Variants in CHIC1 observed in about 807,000 individuals in gnomAD.
The protein encoded by CHIC1 is cysteine-rich hydrophobic domain-containing protein 1.
Under a neutral mutation model 18.5 loss-of-function variants are expected in CHIC1, and 7 were observed. The ratio of observed to expected loss-of-function variants is 0.38; its 90% confidence interval spans 0.22 to 0.71. The LOEUF (loss-of-function observed/expected upper bound fraction) is 0.71. Among genes scored for constraint, CHIC1 ranks in the 30% least tolerant of loss-of-function variants. The pLI, the probability that CHIC1 is intolerant of heterozygous loss-of-function variation, is 0.49. For missense variants in CHIC1, 159 were observed against 176.9 expected (o/e 0.90, Z 0.57); for synonymous variants, 77 against 73.5 (o/e 1.05, Z -0.25).
At chrX:73,612,302 C>T (rs746508108) in intron 3 of CHIC1, among the ~76,000 whole-genome samples, 1 of 111,713 alleles carries the variant, frequency 9.0e-6, no homozygotes, top group Admixed American at 9.5e-5. Flanking sequence ...ATCGCTGTTA[C>T]ATTTAGTTCT....
chrX:73,642,545 T>G (rs1297187261), intron 3 of CHIC1, among the ~76,000 whole-genome samples: 1 of 104,616 alleles, frequency 9.6e-6, no homozygotes, highest in Non-Finnish European at 2.0e-5. Context: ...TTGTCAATTT[T>G]GTCTTTTGTT....
intron 3 of CHIC1, among the ~76,000 whole-genome samples, chrX:73,635,227 A>G (rs900489435): frequency 3.6e-5 from 4 of 112,083 alleles, no homozygotes; most frequent in Non-Finnish European, 5.6e-5. Flanking sequence ...GCAGGAATAC[A>G]TCATACTCGA....
At chrX:73,675,930 G>C (rs2058059947) in intron 3 of CHIC1, among the ~76,000 whole-genome samples, 1 of 110,365 alleles carries the variant, frequency 9.1e-6, no homozygotes, top group Admixed American at 9.6e-5. Context: ...AGGCCTGGTG[G>C]TGACAAAATC....
intron 3 of CHIC1, among the ~76,000 whole-genome samples, chrX:73,628,746 G>A (rs984051191): frequency 9.0e-6 from 1 of 111,106 alleles, no homozygotes; most frequent in Non-Finnish European, 1.9e-5. Flanking sequence ...TTAAAACCAG[G>A]TACTATGAGT....
At chrX:73,563,646 T>A in intron 1 of CHIC1, 66 bp downstream of exon 1, 19 of 882,460 alleles carry the variant, frequency 2.2e-5, no homozygotes, top group Non-Finnish European at 2.7e-5. Flanking sequence ...TGAGAAGTGA[T>A]CGAGGGGCCT....
chrX:73,666,787 TTA>T (rs1169528318), intron 3 of CHIC1, among the ~76,000 whole-genome samples: 1 of 112,291 alleles, frequency 8.9e-6, no homozygotes, highest in Non-Finnish European at 1.9e-5. Context: ...GTGATCAATT[TTA>T]GAGTAAATAC....
At chrX:73,645,342 G>A (rs1215130736) in intron 3 of CHIC1, among the ~76,000 whole-genome samples, 3 of 111,543 alleles carry the variant, frequency 2.7e-5, no homozygotes, top group African/African-American at 9.8e-5. Flanking sequence ...CTCTATCTTG[G>A]CTATTGTGAA....
intron 1 of CHIC1, among the ~76,000 whole-genome samples, chrX:73,577,002 A>G (rs1266530472): frequency 1.4e-4 from 16 of 110,499 alleles, no homozygotes; most frequent in African/African-American, 4.9e-4. Context: ...GCATACATAC[A>G]CAAAAGTGGA....
intron 3 of CHIC1, among the ~76,000 whole-genome samples, chrX:73,597,084 T>C (rs933921156): frequency 9.0e-6 from 1 of 111,727 alleles, no homozygotes; most frequent in Admixed American, 9.5e-5. Context: ...ATGGGAGCTA[T>C]ATCATTTTAC....
At chrX:73,658,146 G>C (rs749633295) in intron 3 of CHIC1, among the ~76,000 whole-genome samples, 9 of 109,241 alleles carry the variant, frequency 8.2e-5, no homozygotes, top group Non-Finnish European at 1.3e-4. Flanking sequence ...ATAAATTAGG[G>C]AGGAGTCTCT....
intron 3 of CHIC1, among the ~76,000 whole-genome samples, chrX:73,672,218 A>G (rs773252191): frequency 2.7e-5 from 3 of 111,735 alleles, no homozygotes; most frequent in Non-Finnish European, 5.6e-5. Flanking sequence ...GAATAGTGCC[A>G]CTATAAACAT....
intron 3 of CHIC1, among the ~76,000 whole-genome samples, chrX:73,614,429 A>T (rs1490195458): frequency 1.8e-5 from 2 of 111,312 alleles, no homozygotes; most frequent in Non-Finnish European, 3.8e-5. Flanking sequence ...GAAACTTAGG[A>T]TGTTTTCAGC....
At chrX:73,600,046 C>G (rs1440497047) in intron 3 of CHIC1, among the ~76,000 whole-genome samples, 1 of 102,661 alleles carries the variant, frequency 9.7e-6, no homozygotes, top group African/African-American at 4.1e-5. Flanking sequence ...AGAGGTCCTT[C>G]ACATCCCTTG....
rs760746356 is a variant in CHIC1 at position 73,683,159 on chromosome X, A to G, written c.*2154A>G. 9.0e-6 allele frequency: 1 copy of G among 111,162 alleles called. No homozygotes were observed. Among genetic ancestry groups the G allele is most frequent in the African/African-American group, 3.3e-5 (1 of 30,762 alleles). 9.2% of individuals were successfully genotyped at this position (111,162 alleles called of 1,213,427 possible). ...CAATTATTGAGAATGGGAATACAGT[A>G]TATCTGGAAATGACACAGTATAATA... is the stretch of plus-strand genomic sequence containing the variant. On this transcript the variant is annotated 3_prime_UTR_variant, in exon 6 of 6. Transcript: ENST00000373502.
chrX:73,592,253 G>A (rs1255482765), intron 3 of CHIC1, among the ~76,000 whole-genome samples: 1 of 110,986 alleles, frequency 9.0e-6, no homozygotes, highest in African/African-American at 3.3e-5. Flanking sequence ...GGAGTGGTGG[G>A]AGTGAGTATC....
chrX:73,648,404 A>G (rs2057899683), intron 3 of CHIC1, among the ~76,000 whole-genome samples: 1 of 112,141 alleles, frequency 8.9e-6, no homozygotes, highest in African/African-American at 3.2e-5. Context: ...GAAGATGGGT[A>G]ATAACAAACT....
intron 3 of CHIC1, among the ~76,000 whole-genome samples, chrX:73,625,766 G>A (rs1369972399): frequency 1.8e-5 from 2 of 111,062 alleles, no homozygotes; most frequent in Non-Finnish European, 3.8e-5. Flanking sequence ...ACCTTCCTAA[G>A]TTGGGCCTCA....
At chrX:73,646,941 T>G (rs2057892253) in intron 3 of CHIC1, among the ~76,000 whole-genome samples, 1 of 112,498 alleles carries the variant, frequency 8.9e-6, no homozygotes, top group African/African-American at 3.2e-5. Flanking sequence ...GGTCTTACAT[T>G]TAAGTCTAAA....
intron 3 of CHIC1, among the ~76,000 whole-genome samples, chrX:73,662,463 A>G (rs778322503): frequency 2.0e-5 from 2 of 101,032 alleles, no homozygotes; most frequent in African/African-American, 3.7e-5. Context: ...TATGCGATCT[A>G]GTTGCCTCTG....
Sources: gnomAD v4.1 joint callset for allele counts (sites outside exome capture counted in the v4.1 genomes callset) on GRCh38, gnomAD v4.1.1 for gene constraint, MANE v1.5 for transcripts, NCBI Gene and HGNC (gene_info 2026-07-23, HGNC 2026-07-21) for gene names.